Variants in STARD13 observed in about 807,000 individuals in gnomAD.
The protein encoded by STARD13 is StAR related lipid transfer domain containing 13.
In STARD13, 62 loss-of-function variants were observed where a neutral mutation model predicts 106.4. The ratio of observed to expected loss-of-function variants is 0.58; its 90% CI spans 0.48 to 0.72. The LOEUF is 0.72. Ranked by LOEUF, STARD13 falls within the 30% of genes least tolerant of loss-of-function variation. The pLI is 0.00. For missense variants in STARD13, 1,387 were observed against 1,424.0 expected, an observed-to-expected ratio of 0.97 and a Z score of 0.42; for synonymous variants, 565 against 553.0, an observed-to-expected ratio of 1.02 and a Z score of -0.31.
chr13:33,226,200 A>G (rs1246863869), intron 1 of STARD13, among the ~76,000 whole-genome samples: 1 of 152,244 alleles, frequency 6.6e-6, no homozygotes, highest in East Asian at 1.9e-4. Flanking sequence ...CACTCAGTCT[A>G]TGGCATTTTG....
chr13:33,203,469 C>T (rs974353718), intron 1 of STARD13, among the ~76,000 whole-genome samples: 1 of 152,084 alleles, frequency 6.6e-6, no homozygotes, highest in African/African-American at 2.4e-5. Flanking sequence ...ATCTATGTAT[C>T]TATAAAATGT....
At chr13:33,471,643 T>A in the STARD13 span, among the ~76,000 whole-genome samples, 1 of 152,050 alleles carries the variant, frequency 6.6e-6, no homozygotes, top group African/African-American at 2.4e-5. Context: ...GTTTTTTTTT[T>A]TTTTTTGGCT....
In STARD13 at chr13:33,281,835, G is replaced by A. The variant is rs1191842434; in HGVS notation, c.169+3635C>T. On this transcript the variant is annotated intron_variant, in intron 1 of 13. Coordinates refer to ENST00000336934, the MANE Select transcript of STARD13 (RefSeq NM_178006.4). ...CAAAGGCCGAGAGGAGGAGGAATGAGGAATTCTTGTTTAATGGGTATGGAG... is the reference window on the plus strand; with the variant it reads ...CAAAGGCCGAGAGGAGGAGGAATGAAGAATTCTTGTTTAATGGGTATGGAG... Among the ~76,000 whole-genome samples the A allele has an allele frequency of 6.6e-5, 10 of 152,222 alleles. No homozygotes were observed. In the East Asian group the frequency reaches 1.9e-3, roughly 29 times the overall value.
intron 4 of STARD13, among the ~76,000 whole-genome samples, chr13:33,132,102 G>A (rs529220290): frequency 1.2e-4 from 19 of 152,116 alleles, no homozygotes; most frequent in Non-Finnish European, 2.2e-4. Context: ...TCTAGTTTCC[G>A]TGTAGGTTTG....
At chr13:33,557,582 T>C in the STARD13 span, among the ~76,000 whole-genome samples, 1 of 152,224 alleles carries the variant, frequency 6.6e-6, no homozygotes, top group African/African-American at 2.4e-5. Context: ...TTGTATCTTA[T>C]TTCTCTTTAT....
the STARD13 span, among the ~76,000 whole-genome samples, chr13:33,665,739 G>A: frequency 6.6e-6 from 1 of 152,178 alleles, no homozygotes; most frequent in East Asian, 1.9e-4. Context: ...AAAGCTTTCT[G>A]GCTTTCAGAG....
the STARD13 span, among the ~76,000 whole-genome samples, chr13:33,542,260 A>G: frequency 6.6e-6 from 1 of 152,204 alleles, no homozygotes; most frequent in Non-Finnish European, 1.5e-5. Flanking sequence ...ACTAAGATTT[A>G]GAGGGGAAGG....
At chr13:33,497,032 A>G in the STARD13 span, among the ~76,000 whole-genome samples, 1 of 152,074 alleles carries the variant, frequency 6.6e-6, no homozygotes, top group African/African-American at 2.4e-5. Context: ...CTTTGTGGTT[A>G]TTCTTTATGG....
chr13:33,588,534 G>A, the STARD13 span, among the ~76,000 whole-genome samples: 53 of 152,146 alleles, frequency 3.5e-4, no homozygotes, highest in Non-Finnish European at 7.2e-4. Flanking sequence ...GATTATATCT[G>A]CACCACTGGT....
At chr13:33,315,633 C>G (rs372963473) in intron 1 of STARD13, among the ~76,000 whole-genome samples, 1 of 152,046 alleles carries the variant, frequency 6.6e-6, no homozygotes. Flanking sequence ...GACAGAAGAT[C>G]CCAGACTTTA....
chr13:33,529,810 C>T, the STARD13 span, among the ~76,000 whole-genome samples: 1 of 152,132 alleles, frequency 6.6e-6, no homozygotes, highest in Non-Finnish European at 1.5e-5. Context: ...AAAAACAATA[C>T]AGCATGTTCA....
intron 1 of STARD13, among the ~76,000 whole-genome samples, chr13:33,277,141 G>A (rs1404683371): frequency 6.6e-6 from 1 of 151,916 alleles, no homozygotes; most frequent in Admixed American, 6.6e-5. Flanking sequence ...CACCAGTCCA[G>A]AATGACCACC....
At chr13:33,473,465 T>C in the STARD13 span, among the ~76,000 whole-genome samples, 1 of 152,318 alleles carries the variant, frequency 6.6e-6, no homozygotes, top group East Asian at 1.9e-4. Flanking sequence ...AGCCAATCAC[T>C]GAGACAATGA....
chr13:33,323,627 C>G (rs1055745208), intron 1 of STARD13, among the ~76,000 whole-genome samples: 4 of 152,224 alleles, frequency 2.6e-5, no homozygotes, highest in African/African-American at 9.6e-5. Flanking sequence ...CTACCTCAAA[C>G]AAAGCACTGT....
intron 7 of STARD13, among the ~76,000 whole-genome samples, chr13:33,118,946 TG>T (rs1425702862): frequency 6.6e-6 from 1 of 152,240 alleles, no homozygotes; most frequent in Admixed American, 6.5e-5. Flanking sequence ...GAATGATTCC[TG>T]GGTGGCTTTT....
At chr13:33,436,975 G>A in the STARD13 span, among the ~76,000 whole-genome samples, 9 of 152,116 alleles carry the variant, frequency 5.9e-5, no homozygotes, top group Admixed American at 3.3e-4. Context: ...TTTGTATATG[G>A]AGGGGCCCCT....
chr13:33,188,545 CTTT>C (rs1383823317), intron 1 of STARD13, among the ~76,000 whole-genome samples: 1 of 152,200 alleles, frequency 6.6e-6, no homozygotes, highest in Non-Finnish European at 1.5e-5. Flanking sequence ...CTCACAAACT[CTTT>C]TGTCTTTTAT....
chr13:33,647,760 C>A, the STARD13 span, among the ~76,000 whole-genome samples: 3 of 152,172 alleles, frequency 2.0e-5, no homozygotes, highest in Non-Finnish European at 2.9e-5. Context: ...TAGTGTTTGG[C>A]AGAATAGGCT....
intron 1 of STARD13, among the ~76,000 whole-genome samples, chr13:33,281,966 T>C (rs1163431664): frequency 1.3e-5 from 2 of 152,114 alleles, no homozygotes; most frequent in African/African-American, 4.8e-5. Context: ...CATTTAAAAA[T>C]GGTTAAGATG....
Sources: gnomAD v4.1 joint callset for allele counts (sites outside exome capture counted in the v4.1 genomes callset) on GRCh38, gnomAD v4.1.1 for gene constraint, MANE v1.5 for transcripts, NCBI Gene and HGNC (gene_info 2026-07-23, HGNC 2026-07-21) for gene names.